DNAH5: variants seen among roughly 807,000 people sequenced by gnomAD.
DNAH5 encodes the protein axonemal beta dynein heavy chain 5.
DNAH5 carries 372 observed loss-of-function variants against 518.2 expected under a neutral mutation model. The observed-to-expected ratio is 0.72, with a 90% confidence interval of 0.66 to 0.78. DNAH5 has a LOEUF of 0.78. Among genes scored for constraint, DNAH5 ranks in the 30% least tolerant of loss-of-function variants. The pLI, the probability that DNAH5 is intolerant of heterozygous loss-of-function variation, is 0.00. For synonymous variants in DNAH5, 2,039 were observed against 2,025.9 expected (o/e 1.01, Z -0.17); for missense variants, 5,523 against 5,687.0 (o/e 0.97, Z 0.93).
chr5:13,929,104 C>T (rs934804133), intron 2 of DNAH5, among the ~76,000 whole-genome samples: 7 of 152,112 alleles, frequency 4.6e-5, no homozygotes, highest in Admixed American at 2.0e-4. Context: ...ACAGATAAAG[C>T]GATAAACAAA....
At chr5:13,953,530 T>A (rs950564178) in intron 1 of DNAH5, among the ~76,000 whole-genome samples, 1 of 152,228 alleles carries the variant, frequency 6.6e-6, no homozygotes, top group Admixed American at 6.5e-5. Context: ...GTTGGGGACA[T>A]AAAGGACCTT....
chr5:13,788,356 T>C (rs1756401150), intron 51 of DNAH5, among the ~76,000 whole-genome samples: 1 of 152,186 alleles, frequency 6.6e-6, no homozygotes, highest in South Asian at 2.1e-4. Context: ...TTCATTTTTA[T>C]GAATGAGGTT....
In DNAH5 at chr5:13,820,362, C is replaced by G; in HGVS notation, c.6825G>C (p.Leu2275Phe). ...GAGKTTCIHT[L>F]MRAMTDCGKP... Reference sequence around the variant, plus strand: ...GCCCTGTACCTGTCATGGCTCTCATCAAGGTGTGGATGCAGGTGGTCTTCC... The same window carrying G: ...GCCCTGTACCTGTCATGGCTCTCATGAAGGTGTGGATGCAGGTGGTCTTCC... The change falls in exon 41 of 79, where the codon TTG becomes TTC. Residue 2275 changes from leucine (L) to phenylalanine (F), a missense_variant. By Grantham distance (22) the Leu-to-Phe change is conservative. Around this residue, in one of 3 missense-constraint regions of DNAH5, gnomAD observed 5,121 missense variants for 5,223.3 expected, o/e 0.98. Transcript: ENST00000265104. 1 of 1,611,420 alleles carries G rather than the reference C, an allele frequency of 6.2e-7. No homozygotes were observed. Among genetic ancestry groups the G allele is most frequent in the South Asian group, 1.1e-5 (1 of 91,068 alleles).
chr5:13,977,728 T>C (rs376726735), intron 1 of DNAH5, among the ~76,000 whole-genome samples: 2 of 151,958 alleles, frequency 1.3e-5, no homozygotes, highest in Non-Finnish European at 2.9e-5. Context: ...TGGGATCCAA[T>C]CCCAAATGGG....
At chr5:13,931,286 C>T (rs967602278) in intron 1 of DNAH5, 42 bp from the exon 2 acceptor site, 2 of 1,611,954 alleles carry the variant, frequency 1.2e-6, no homozygotes, top group African/African-American at 2.7e-5. Flanking sequence ...AACTGCTGTT[C>T]TCAAGTGGAT....
rs778807033 is a variant in DNAH5, at chr5:13,820,539, TGATGGCCGG to T, written c.6688-49_6688-41del. 160 of 1,610,496 alleles carry T rather than the reference TGATGGCCGG, an allele frequency of 9.9e-5. No individual in the cohort carries two copies. The Middle Eastern group carries it at 2.2e-3, about 22-fold the overall frequency. On this transcript the variant is annotated intron_variant, in intron 40 of 78. Transcript: ENST00000265104. ...GAATCCCCACATTGAAACACAACAATGATGGCCGGACACGGTGGCTCACGCCTGTAATCC... is the reference window on the plus strand; with the variant it reads ...GAATCCCCACATTGAAACACAACAATACACGGTGGCTCACGCCTGTAATCC...
At chr5:13,745,692 CT>C (rs1749233625) in intron 65 of DNAH5, among the ~76,000 whole-genome samples, 1 of 152,090 alleles carries the variant, frequency 6.6e-6, no homozygotes, top group African/African-American at 2.4e-5. Flanking sequence ...GAAGTCATGA[CT>C]CATCCCCACT....
intron 22 of DNAH5, among the ~76,000 whole-genome samples, chr5:13,873,800 CA>C (rs1561482654): frequency 6.6e-6 from 1 of 151,950 alleles, no homozygotes; most frequent in African/African-American, 2.4e-5. Context: ...GGCGCCTAGC[CA>C]AAAAATTTGT....
In DNAH5 at chr5:13,865,911, T is replaced by G. The variant is rs1444994332; in HGVS notation, c.4117-5A>C. ...ATAGATATTATCAAATTGATTCTAA[T>G]AAAAACACAAGTGAAAACGCATCAA... On this transcript the variant is annotated splice_polypyrimidine_tract_variant and splice_region_variant and intron_variant, in intron 26 of 78. Transcript: ENST00000265104. The G allele has an allele frequency of 6.5e-7, 1 of 1,548,416 alleles. No homozygotes were observed. Among genetic ancestry groups the G allele is most frequent in the African/African-American group, 1.4e-5 (1 of 73,362 alleles).
intron 1 of DNAH5, among the ~76,000 whole-genome samples, chr5:13,984,416 A>G (rs547265064): frequency 2.0e-4 from 30 of 152,332 alleles, no homozygotes; most frequent in Non-Finnish European, 3.8e-4. Flanking sequence ...TATCAGCTTA[A>G]GCAGATTTGG....
Position 13,749,147 on chromosome 5 carries a change from C to A in DNAH5, c.11211+1931G>T, listed in dbSNP as rs141666355. Reference sequence around the variant, plus strand: ...GAAAATGAAGCCCAGCAGCTCACTTCTTCTATCACAAGACCTCATTTTGGG... The same window carrying A: ...GAAAATGAAGCCCAGCAGCTCACTTATTCTATCACAAGACCTCATTTTGGG... On this transcript the variant is annotated intron_variant, in intron 65 of 78. Coordinates refer to ENST00000265104, the MANE Select transcript of DNAH5 (RefSeq NM_001369.3). 2.5e-3 allele frequency among the ~76,000 whole-genome samples: 384 copies of A among 152,174 alleles called. 2 individuals are homozygous for A. In the Middle Eastern group the frequency reaches 0.031, roughly 12 times the overall value.
Position 13,944,466 on chromosome 5 carries a change from C to T in DNAH5, c.-28G>A, listed in dbSNP as rs757800573. 7 of 1,607,826 alleles carry T rather than the reference C, an allele frequency of 4.4e-6. No individual in the cohort carries two copies. In the South Asian group the frequency reaches 7.7e-5, roughly 18 times the overall value. Reference sequence around the variant, plus strand: ...TAGCCGTGCATGGACAGGCTGGAGTCAGCTCTTCCGGAATGGTCTTCTAAC... The same window carrying T: ...TAGCCGTGCATGGACAGGCTGGAGTTAGCTCTTCCGGAATGGTCTTCTAAC... On this transcript the variant is annotated 5_prime_UTR_variant, in exon 1 of 79. Transcript: ENST00000265104.
Position 13,944,392 on chromosome 5 carries a change from C to T in DNAH5, c.47G>A (p.Arg16Gln), listed in dbSNP as rs778890170. The change falls in exon 1 of 79, where the codon CGA becomes CAA. Residue 16 changes from arginine to glutamine, a missense_variant. Transcript: ENST00000265104. ...ACAACAGCACCTTACCGTTAAAACT[C>T]GAGTGACGCTATGCTTCCAGAGCTG... ...RRQLWKHSVT[R>Q]VLTQRLKGEK... 2.5e-6 allele frequency: 4 copies of T among 1,613,804 alleles called. No individual in the cohort carries two copies. The highest frequency in any genetic ancestry group is 2.2e-5 in the East Asian group (1 of 44,868).
chr5:13,880,302 G>C (rs997781841), intron 21 of DNAH5, among the ~76,000 whole-genome samples: 2 of 152,130 alleles, frequency 1.3e-5, no homozygotes, highest in African/African-American at 4.8e-5. Context: ...ATGCTAAATG[G>C]AGATTAAGCT....
chr5:13,894,880 A>G, intron 15 of DNAH5, 59 bp from the exon 16 acceptor site: 1 of 1,570,966 alleles, frequency 6.4e-7, no homozygotes, highest in African/African-American at 1.3e-5. Flanking sequence ...GTCTGTTAAT[A>G]TCTCATGTCT....
At chr5:13,791,764 T>G (rs570435104) in intron 50 of DNAH5, among the ~76,000 whole-genome samples, 6 of 152,200 alleles carry the variant, frequency 3.9e-5, no homozygotes, top group Non-Finnish European at 7.4e-5. Context: ...AAAATAATTG[T>G]GTATATGATG....
chr5:13,923,176 A>T lies in DNAH5; in HGVS notation c.438+104T>A, dbSNP rs1777489620. 4.9e-6 allele frequency: 7 copies of T among 1,433,816 alleles called. No homozygotes were observed. The East Asian group carries it at 1.4e-4, about 28-fold the overall frequency. 88.8% of individuals were successfully genotyped at this position (1,433,816 alleles called of 1,614,324 possible). A position where few individuals can be genotyped will look rare whatever the true frequency, so the allele number is the denominator to read the frequency against. ...AAAATACTTCTCTGAAAGTAGTTTTAGATACTGTAGTGAATACAATGATTG... is the reference window on the plus strand; with the variant it reads ...AAAATACTTCTCTGAAAGTAGTTTTTGATACTGTAGTGAATACAATGATTG... On this transcript the variant is annotated intron_variant, in intron 4 of 78. Transcript: ENST00000265104.
At chr5:13,951,250 T>C (rs1403444704) in intron 1 of DNAH5, among the ~76,000 whole-genome samples, 32 of 137,606 alleles carry the variant, frequency 2.3e-4, no homozygotes, top group Non-Finnish European at 3.1e-5. Context: ...AGGGTCTTGC[T>C]CTGTCGCCCA....
chr5:13,900,605 G>A (rs1343093331), intron 14 of DNAH5, 193 bp from the exon 15 acceptor site: 1 of 613,652 alleles, frequency 1.6e-6, no homozygotes, highest in African/African-American at 1.8e-5. Flanking sequence ...TCTTGGTGTT[G>A]ATGTTGGGCA....
Sources: allele counts gnomAD v4.1 joint callset (sites outside exome capture counted in the v4.1 genomes callset), GRCh38; gene constraint gnomAD v4.1.1; regional missense constraint gnomAD v4.1.1; transcripts MANE v1.5; gene names NCBI Gene and HGNC (gene_info 2026-07-23, HGNC 2026-07-21).